Variants in TRPM3 observed in about 807,000 individuals in gnomAD.
TRPM3 encodes the protein transient receptor potential cation channel subfamily M member 3.
TRPM3 carries 77 observed loss-of-function variants against 181.2 expected under a neutral mutation model. That is an observed-to-expected ratio of 0.42 (90% CI 0.35 to 0.51). The LOEUF (loss-of-function observed/expected upper bound fraction) is 0.51. Ranked by LOEUF, TRPM3 falls within the 20% of genes least tolerant of loss-of-function variation. The probability of loss-of-function intolerance (pLI) is 0.01; values close to 1 mark genes in which losing one functional copy is unlikely to be tolerated. For synonymous variants in TRPM3, 745 were observed against 796.4 expected (o/e 0.94, Z 1.09); for missense variants, 1,759 against 2,196.7 (o/e 0.80, Z 3.98).
At chr9:71,271,692 T>C (rs938090996) in intron 1 of TRPM3, among the ~76,000 whole-genome samples, 2 of 151,464 alleles carry the variant, frequency 1.3e-5, no homozygotes, top group African/African-American at 2.4e-5. Context: ...ATTTGGGTAA[T>C]GACTGGACTG....
At chr9:70,895,534 T>G (rs1204792327) in intron 1 of TRPM3, among the ~76,000 whole-genome samples, 2 of 152,192 alleles carry the variant, frequency 1.3e-5, no homozygotes, top group African/African-American at 4.8e-5. Context: ...ACTCCCATAT[T>G]TTATGAAAAG....
chr9:70,832,298 A>T (rs1052840288), intron 5 of TRPM3, among the ~76,000 whole-genome samples: 6 of 152,026 alleles, frequency 3.9e-5, no homozygotes, highest in Admixed American at 2.0e-4. Context: ...ATAATAATAA[A>T]AAAAATAGTA....
At chr9:70,826,503 A>G (rs2093564732) in intron 6 of TRPM3, 1 of 152,242 alleles carries the variant, frequency 6.6e-6, no homozygotes, top group Non-Finnish European at 1.5e-5. Flanking sequence ...TGTGAAAAAT[A>G]TGAAACCATG....
In TRPM3 at chr9:71,276,449, T is replaced by C. The variant is rs527637770; in HGVS notation, c.183+170204A>G. ...ATGACACAACACAAATATTACTATG[T>C]AGCATATACAAAAAAAACTCCAAGA... On this transcript the variant is annotated intron_variant, in intron 1 of 24. Transcript: ENST00000357533. Among the ~76,000 whole-genome samples, 21 of 152,090 alleles carry C rather than the reference T, an allele frequency of 1.4e-4. No individual in the cohort carries two copies. The South Asian group carries it at 4.2e-3, about 30-fold the overall frequency.
chr9:70,604,129 G>A (rs541893868), intron 19 of TRPM3, among the ~76,000 whole-genome samples: 119 of 152,346 alleles, frequency 7.8e-4, no homozygotes, highest in Non-Finnish European at 1.4e-3. Flanking sequence ...GAAAGGGTCC[G>A]TGTGGCCTTT....
intron 1 of TRPM3, among the ~76,000 whole-genome samples, chr9:71,098,210 A>G (rs2067657498): frequency 1.3e-5 from 2 of 152,162 alleles, no homozygotes; most frequent in South Asian, 4.2e-4. Flanking sequence ...ACAGAAAAGT[A>G]ACAAAAAGAA....
intron 1 of TRPM3, chr9:71,446,627 A>C (rs1409580742): frequency 6.5e-6 from 10 of 1,546,568 alleles, no homozygotes; most frequent in Non-Finnish European, 7.9e-6. Context: ...GAAAGCAAAG[A>C]CTGGGGCTCT....
At chr9:70,780,630 T>C (rs952820098) in intron 7 of TRPM3, among the ~76,000 whole-genome samples, 55 of 152,184 alleles carry the variant, frequency 3.6e-4, no homozygotes, top group African/African-American at 1.3e-3. Context: ...AGACAATTTC[T>C]TATCAAGCTA....
intron 22 of TRPM3, among the ~76,000 whole-genome samples, chr9:70,564,370 C>A (rs936829764): frequency 6.6e-6 from 1 of 152,124 alleles, no homozygotes; most frequent in African/African-American, 2.4e-5. Flanking sequence ...GCAATGAGGG[C>A]AGGAGGAGGC....
rs1491465030 is a variant in TRPM3 at position 71,134,019 on chromosome 9, G to GCA, written c.184-269509_184-269508insTG. Among the ~76,000 whole-genome samples the GCA allele has an allele frequency of 6.8e-4, 89 of 130,664 alleles. 1 individual carries two copies. Among genetic ancestry groups the GCA allele is most frequent in the African/African-American group, 1.3e-3 (43 of 33,952 alleles). 85.7% of individuals were successfully genotyped at this position (130,664 alleles called of 152,430 possible). On this transcript the variant is annotated intron_variant, in intron 1 of 24. Transcript: ENST00000357533. ...TGTGTGTGTGTGTGTGTGTGTGCGC[G>GCA]TGCGCGCGCGCGCGTGTCTGTGTTT...
chr9:71,151,918 T>C (rs181400613), intron 1 of TRPM3, among the ~76,000 whole-genome samples: 1 of 152,246 alleles, frequency 6.6e-6, no homozygotes, highest in Admixed American at 6.5e-5. Context: ...AGTTTTTTAC[T>C]TCAACTATCT....
chr9:70,934,975 G>T (rs2096813076), intron 1 of TRPM3, among the ~76,000 whole-genome samples: 1 of 152,142 alleles, frequency 6.6e-6, no homozygotes, highest in Admixed American at 6.6e-5. Flanking sequence ...CTTTTCCATA[G>T]TAGCAAGTTC....
At chr9:70,640,011 A>T (rs934153222) in intron 10 of TRPM3, among the ~76,000 whole-genome samples, 1 of 152,092 alleles carries the variant, frequency 6.6e-6, no homozygotes, top group African/African-American at 2.4e-5. Context: ...CAATCTCTCA[A>T]ATTTTTATTT....
At chr9:71,321,975 T>A (rs1038863989) in intron 1 of TRPM3, among the ~76,000 whole-genome samples, 2 of 152,006 alleles carry the variant, frequency 1.3e-5, no homozygotes, top group Admixed American at 6.6e-5. Flanking sequence ...ATAAAAGAGA[T>A]TAAGAGGTGC....
intron 1 of TRPM3, among the ~76,000 whole-genome samples, chr9:70,910,139 A>G (rs2096523982): frequency 6.6e-6 from 1 of 152,232 alleles, no homozygotes; most frequent in Non-Finnish European, 1.5e-5. Flanking sequence ...ATAGTCTCAA[A>G]TTGGACACAA....
At chr9:71,257,024 C>A (rs1054795194) in intron 1 of TRPM3, among the ~76,000 whole-genome samples, 2 of 152,198 alleles carry the variant, frequency 1.3e-5, no homozygotes, top group African/African-American at 4.8e-5. Flanking sequence ...GTTAAGCCAG[C>A]ATTTCTCAAA....
intron 8 of TRPM3, among the ~76,000 whole-genome samples, chr9:70,700,464 A>C (rs1428067043): frequency 6.6e-6 from 1 of 152,194 alleles, no homozygotes; most frequent in African/African-American, 2.4e-5. Context: ...TCTGCAGTGG[A>C]ATCAGAATTA....
At chr9:70,566,464 C>G (rs996600375) in intron 22 of TRPM3, among the ~76,000 whole-genome samples, 1 of 152,040 alleles carries the variant, frequency 6.6e-6, no homozygotes, top group Non-Finnish European at 1.5e-5. Context: ...CATGTGGAGG[C>G]TTTGGAAGGA....
chr9:70,945,864 G>A (rs992809501), intron 1 of TRPM3, among the ~76,000 whole-genome samples: 5 of 152,144 alleles, frequency 3.3e-5, no homozygotes, highest in African/African-American at 7.2e-5. Context: ...GAGAAGGGGA[G>A]AAGGGGATAG....
Sources: allele counts gnomAD v4.1 joint callset (sites outside exome capture counted in the v4.1 genomes callset), GRCh38; gene constraint gnomAD v4.1.1; transcripts MANE v1.5; gene names NCBI Gene and HGNC (gene_info 2026-07-23, HGNC 2026-07-21).